The following FNDC3B variants were observed in gnomAD, a reference collection of about 807,000 sequenced individuals.
The protein encoded by FNDC3B is fibronectin type III domain containing 3B.
In FNDC3B, 12 loss-of-function variants were observed where a neutral mutation model predicts 151.5. The observed-to-expected ratio is 0.08, with a 90% confidence interval of 0.05 to 0.13. The LOEUF (loss-of-function observed/expected upper bound fraction) is 0.13, where lower values mean the gene tolerates loss of function less well. Among genes scored for constraint, FNDC3B ranks in the 10% least tolerant of loss-of-function variants. FNDC3B has a pLI of 1.00. For missense variants in FNDC3B, 1,214 were observed against 1,505.3 expected, an observed-to-expected ratio of 0.81 and a Z score of 3.20; for synonymous variants, 528 against 549.0, an observed-to-expected ratio of 0.96 and a Z score of 0.54.
chr3:172,091,699 A>G (rs1053916095), intron 1 of FNDC3B, among the ~76,000 whole-genome samples: 3 of 152,218 alleles, frequency 2.0e-5, no homozygotes, highest in African/African-American at 4.8e-5. Context: ...TCTGTTAAAT[A>G]TGGTGCAAAA....
chr3:172,358,226 AGAT>A (rs1734192467), intron 22 of FNDC3B, among the ~76,000 whole-genome samples: 3 of 152,244 alleles, frequency 2.0e-5, no homozygotes, highest in Admixed American at 2.0e-4. Flanking sequence ...TAGAAATCAG[AGAT>A]GATATTGTAG....
At position 172,307,454 on chromosome 3, in the gene FNDC3B, C is replaced by G; in HGVS notation, c.1153C>G (p.Pro385Ala). The G allele has an allele frequency of 1.9e-6, 3 of 1,614,110 alleles. No individual in the cohort carries two copies. The highest frequency in any genetic ancestry group is 2.5e-6 in the Non-Finnish European group (3 of 1,179,980). The change falls in exon 10 of 26, where the codon CCT becomes GCT. Residue 385 changes from proline to alanine, a missense_variant. Around this residue, in one of 7 missense-constraint regions of FNDC3B, gnomAD observed 156 missense variants for 225.3 expected, o/e 0.69. Coordinates refer to ENST00000415807, the MANE Select transcript of FNDC3B (RefSeq NM_022763.4). The stretch of plus-strand genomic sequence containing the variant: ...CTGTGCACCCGAGTGTCCTTTCCCC[C>G]CTAAGCTGGCACATAGGAGCAAAAG... ...HSCAPECPFP[P>A]KLAHRSKSSL... is the part of the protein sequence containing the mutation.
intron 3 of FNDC3B, among the ~76,000 whole-genome samples, chr3:172,193,150 T>TCCTTCCCA (rs1296009129): frequency 1.4e-5 from 1 of 73,130 alleles, no homozygotes; most frequent in African/African-American, 5.2e-5. Flanking sequence ...CTGCCTCCCT[T>TCCTTCCCA]CCTTCCCACC....
At position 172,040,283 on chromosome 3, in the gene FNDC3B, G is replaced by A. The variant is rs1715954727; in HGVS notation, c.-29+512G>A. ...ATATGGTGGAGGGAAGAGGGCGGGA[G>A]TGCGAAGTGGGGCTGGAAGTTGGGG... On this transcript the variant is annotated intron_variant, in intron 1 of 25. Transcript: ENST00000415807. This position sits in a 1 kb window ranked among gnomAD's most constrained non-coding sequence, Gnocchi z 6.6. Among the ~76,000 whole-genome samples, 1 of 152,014 alleles carries A rather than the reference G, an allele frequency of 6.6e-6. No homozygotes were observed. Among genetic ancestry groups the A allele is most frequent in the African/African-American group, 2.4e-5 (1 of 41,392 alleles).
rs1719588005 is a variant in FNDC3B, at chr3:172,105,290, A to AT, written c.-28-7155dup. Among the ~76,000 whole-genome samples the AT allele has an allele frequency of 3.3e-5, 5 of 151,990 alleles. 1 individual carries two copies. In the South Asian group the frequency reaches 1.0e-3, roughly 31 times the overall value. ...ATCAAATTTTAACTTCTAGATGTTT[A>AT]TTTTTTTAACTGCAGTCAAGGCACA... On this transcript the variant is annotated intron_variant, in intron 1 of 25. Transcript: ENST00000415807.
intron 3 of FNDC3B, among the ~76,000 whole-genome samples, chr3:172,146,129 A>C (rs148214255): frequency 0.014 from 2,081 of 152,194 alleles, 27 homozygotes; most frequent in African/African-American, 0.036. Context: ...GTTTTTTAAA[A>C]ACATTAATAA....
chr3:172,343,412 T>G (rs1259581638), intron 18 of FNDC3B, among the ~76,000 whole-genome samples: 2 of 152,176 alleles, frequency 1.3e-5, no homozygotes, highest in Non-Finnish European at 2.9e-5. Flanking sequence ...GAACAGCCAG[T>G]CTTTTTCAGA....
intron 10 of FNDC3B, 96 bp downstream of exon 10, chr3:172,307,597 G>GA: frequency 7.9e-7 from 1 of 1,270,324 alleles, no homozygotes; most frequent in South Asian, 1.3e-5. Flanking sequence ...GGAGGCTGAG[G>GA]AGGGGGGATC....
intron 3 of FNDC3B, among the ~76,000 whole-genome samples, chr3:172,196,003 G>C (rs1724802503): frequency 6.6e-6 from 1 of 152,284 alleles, no homozygotes; most frequent in African/African-American, 2.4e-5. Context: ...CTTAATGTGA[G>C]CCTTTGTAAA....
chr3:172,341,331 G>A (rs570549), intron 17 of FNDC3B, 100 bp downstream of exon 17: 590,372 of 861,140 alleles, frequency 0.69, 205,040 homozygotes, highest in East Asian at 0.83. Flanking sequence ...ATGTATCTTG[G>A]TAATGCAACC....
chr3:172,325,246 GTC>G, intron 11 of FNDC3B, among the ~76,000 whole-genome samples: 1 of 152,222 alleles, frequency 6.6e-6, no homozygotes, highest in African/African-American at 2.4e-5. Flanking sequence ...CCGAAGTCAA[GTC>G]AGCGTATCTC....
chr3:172,375,866 G>A (rs868462344), intron 23 of FNDC3B, among the ~76,000 whole-genome samples: 15 of 152,106 alleles, frequency 9.9e-5, no homozygotes, highest in Non-Finnish European at 1.5e-5. Flanking sequence ...ATGGGGAATT[G>A]CAGCTCCAAG....
chr3:172,143,828 G>C (rs1454587969), intron 3 of FNDC3B, among the ~76,000 whole-genome samples: 1 of 152,032 alleles, frequency 6.6e-6, no homozygotes. Context: ...AGAATCGCTT[G>C]AACCTGGGAG....
At chr3:172,111,661 G>A (rs1719975719) in intron 1 of FNDC3B, among the ~76,000 whole-genome samples, 1 of 152,150 alleles carries the variant, frequency 6.6e-6, no homozygotes, top group South Asian at 2.1e-4. Context: ...GACGTTTAGA[G>A]TGGACGTGTT....
At chr3:172,227,925 A>G (rs570625704) in intron 4 of FNDC3B, among the ~76,000 whole-genome samples, 9 of 152,336 alleles carry the variant, frequency 5.9e-5, no homozygotes, top group African/African-American at 2.2e-4. Flanking sequence ...TGGCAGCTAC[A>G]TAGGAAAGTT....
At chr3:172,263,291 T>C (rs1350720739) in intron 6 of FNDC3B, among the ~76,000 whole-genome samples, 1 of 152,070 alleles carries the variant, frequency 6.6e-6, no homozygotes, top group African/African-American at 2.4e-5. Flanking sequence ...CCTTTTTTCC[T>C]TTTTATTTGA....
At chr3:172,213,500 G>A (rs890889721) in intron 3 of FNDC3B, among the ~76,000 whole-genome samples, 3 of 152,228 alleles carry the variant, frequency 2.0e-5, no homozygotes, top group African/African-American at 7.2e-5. Context: ...GTCTGGAAAA[G>A]GGAGGAGTAT....
At chr3:172,286,247 TC>T (rs141870882) in intron 7 of FNDC3B, among the ~76,000 whole-genome samples, 5,646 of 152,084 alleles carry the variant, frequency 0.037, 374 homozygotes, top group African/African-American at 0.13. Flanking sequence ...TTCCAAAGAT[TC>T]TTTTTTTTCT....
chr3:172,075,781 A>T (rs1015707608), intron 1 of FNDC3B, among the ~76,000 whole-genome samples: 1 of 151,928 alleles, frequency 6.6e-6, no homozygotes, highest in African/African-American at 2.4e-5. Flanking sequence ...ATTTATATAC[A>T]TATAACTGAA....
Sources: gnomAD v4.1 joint callset for allele counts (sites outside exome capture counted in the v4.1 genomes callset) on GRCh38, gnomAD v4.1.1 for gene constraint, gnomAD v4.1.1 regional missense constraint, Gnocchi (gnomAD v3.1) non-coding constraint, MANE v1.5 for transcripts, NCBI Gene and HGNC (gene_info 2026-07-23, HGNC 2026-07-21) for gene names.